The following CSF2RA variants were observed in gnomAD, a reference collection of about 807,000 sequenced individuals.
CSF2RA encodes the protein granulocyte-macrophage colony-stimulating factor receptor subunit alpha.
CSF2RA carries 42 observed loss-of-function variants against 51.6 expected under a neutral mutation model. That is an observed-to-expected ratio of 0.81 (90% confidence interval 0.64 to 1.05). The LOEUF is 1.05. Among genes scored for constraint, CSF2RA ranks in the 50% least tolerant of loss-of-function variants. The probability of loss-of-function intolerance (pLI) is 0.00; values close to 1 mark genes in which losing one functional copy is unlikely to be tolerated. For synonymous variants in CSF2RA, 222 were observed against 193.0 expected, an observed-to-expected ratio of 1.15 and a Z score of -1.24; for missense variants, 530 against 501.1, an observed-to-expected ratio of 1.06 and a Z score of -0.55.
At chrX:1,310,855 A>G (rs1413336446), downstream of CSF2RA, among the ~76,000 whole-genome samples, 2 of 151,948 alleles carry the variant, frequency 1.3e-5, no homozygotes, top group Non-Finnish European at 2.9e-5. Flanking sequence ...GAGGTGTTTG[A>G]ATGAAGAGGG....
intron 7 of CSF2RA, among the ~76,000 whole-genome samples, chrX:1,293,549 A>G (rs2091605429): frequency 7.0e-6 from 1 of 143,162 alleles, no homozygotes; most frequent in Non-Finnish European, 1.6e-5. Flanking sequence ...CCCTACACAG[A>G]GTAGACAAAG....
chrX:1,275,993 A>C (rs1860110609), intron 2 of CSF2RA, among the ~76,000 whole-genome samples: 1 of 150,950 alleles, frequency 6.6e-6, no homozygotes, highest in Non-Finnish European at 1.5e-5. Flanking sequence ...GCGTCCAGCT[A>C]TTTTATTTTA....
chrX:1,275,719 C>T (rs774395768), intron 2 of CSF2RA, among the ~76,000 whole-genome samples: 19 of 151,194 alleles, frequency 1.3e-4, no homozygotes, highest in African/African-American at 4.6e-4. Flanking sequence ...CCACCATGCC[C>T]AGCTAATTTT....
At chrX:1,316,144 ATAGAT>A in the CSF2RA span, among the ~76,000 whole-genome samples, 1 of 152,054 alleles carries the variant, frequency 6.6e-6, no homozygotes, top group Non-Finnish European at 1.5e-5. Context: ...TAGATAGATG[ATAGAT>A]TAGATAGATG....
intron 8 of CSF2RA, among the ~76,000 whole-genome samples, chrX:1,294,784 C>T (rs28602228): frequency 7.8e-6 from 1 of 128,088 alleles, no homozygotes; most frequent in East Asian, 2.4e-4. Context: ...GCAGTGTAGA[C>T]AGAAGGAGAC....
the CSF2RA span, among the ~76,000 whole-genome samples, chrX:1,316,570 G>T: frequency 6.6e-6 from 1 of 152,200 alleles, no homozygotes; most frequent in South Asian, 2.1e-4. Flanking sequence ...TCTAACAAGC[G>T]ACAGGAGAAA....
At chrX:1,286,191 C>T (rs1211634608) in intron 4 of CSF2RA, among the ~76,000 whole-genome samples, 21 of 151,850 alleles carry the variant, frequency 1.4e-4, no homozygotes, top group Non-Finnish European at 2.5e-4. Flanking sequence ...AAGAATTACT[C>T]GAACCCGGGA....
At chrX:1,314,682 T>A (rs867822577), downstream of CSF2RA, among the ~76,000 whole-genome samples, 4 of 592 alleles carry the variant, frequency 6.8e-3, 1 homozygote, top group Non-Finnish European at 0.013. Flanking sequence ...GCCCAACCCC[T>A]CTGTGCCTGC....
At chrX:1,288,682 C>T (rs2148381663) in intron 5 of CSF2RA, 40 bp downstream of exon 5, 1 of 1,613,888 alleles carries the variant, frequency 6.2e-7, no homozygotes, top group Non-Finnish European at 8.5e-7. Context: ...CAGCACTGGC[C>T]CCACCACCCC....
intron 1 of CSF2RA, 102 bp downstream of exon 1, chrX:1,268,981 A>C (rs1378297511): frequency 2.4e-6 from 1 of 422,926 alleles, no homozygotes; most frequent in Non-Finnish European, 4.8e-6. Flanking sequence ...ACTGAACTGG[A>C]ACATAAGATT....
chrX:1,323,249 C>T, the CSF2RA span, among the ~76,000 whole-genome samples: 1 of 150,780 alleles, frequency 6.6e-6, no homozygotes, highest in Non-Finnish European at 1.5e-5. Flanking sequence ...AGCGGTGGCT[C>T]ACGCCTGTAA....
intron 3 of CSF2RA, among the ~76,000 whole-genome samples, chrX:1,283,095 C>T (rs191058590): frequency 6.7e-6 from 1 of 150,060 alleles, no homozygotes; most frequent in Non-Finnish European, 1.5e-5. Flanking sequence ...CAAAGTGTTC[C>T]TTCCTTCCTT....
chrX:1,278,994 G>A lies in CSF2RA; in HGVS notation c.-26-3684G>A, dbSNP rs371260832. 5.7e-4 allele frequency among the ~76,000 whole-genome samples: 81 copies of A among 141,100 alleles called. No individual in the cohort carries two copies. The East Asian group carries it at 6.6e-3, about 12-fold the overall frequency. The allele number at this position is 141,100 out of a possible 152,430, so 92.6% of individuals were successfully genotyped here. On this transcript the variant is annotated intron_variant, in intron 2 of 12. Coordinates refer to ENST00000381529, the MANE Select transcript of CSF2RA (RefSeq NM_172245.4). ...AGAGGTTGCAGTGAGCCGAGATGGCGCCACTGTACTCCAGCCTGGGCGACA... is the reference window on the plus strand; with the variant it reads ...AGAGGTTGCAGTGAGCCGAGATGGCACCACTGTACTCCAGCCTGGGCGACA...
intron 2 of CSF2RA, among the ~76,000 whole-genome samples, chrX:1,280,688 C>T (rs1355641079): frequency 6.7e-6 from 1 of 148,888 alleles, no homozygotes; most frequent in Non-Finnish European, 1.5e-5. Flanking sequence ...CCTTCTTCTT[C>T]TCTTCTTTCT....
At chrX:1,286,126 G>A (rs190387177) in intron 4 of CSF2RA, among the ~76,000 whole-genome samples, 1 of 151,004 alleles carries the variant, frequency 6.6e-6, no homozygotes, top group Non-Finnish European at 1.5e-5. Flanking sequence ...TACAAAATTA[G>A]CCGGGCGTGC....
rs188911889 is a variant in CSF2RA at position 1,285,927 on chromosome X, C to T, written c.219+7C>T. Reference sequence around the variant, plus strand: ...CAGAGTCGTGGAACCCAGGGTGAGACGAATTTCCCATTCTCAACCCCTGTC... The same window carrying T: ...CAGAGTCGTGGAACCCAGGGTGAGATGAATTTCCCATTCTCAACCCCTGTC... On this transcript the variant is annotated splice_region_variant and intron_variant, in intron 4 of 12. Transcript: ENST00000381529. 38 of 1,613,644 alleles carry T rather than the reference C, an allele frequency of 2.4e-5. No individual in the cohort carries two copies. Among genetic ancestry groups the T allele is most frequent in the Admixed American group, 5.0e-5 (3 of 59,934 alleles).
At chrX:1,300,457 AC>A in intron 9 of CSF2RA, 33 bp from the exon 10 acceptor site, 1 of 1,613,628 alleles carries the variant, frequency 6.2e-7, no homozygotes. Flanking sequence ...CACACAGAAG[AC>A]GCCTATCTCT....
At chrX:1,322,099 A>ATTATTTATTTATTTCT in the CSF2RA span, among the ~76,000 whole-genome samples, 1 of 146,638 alleles carries the variant, frequency 6.8e-6, no homozygotes, top group Non-Finnish European at 1.5e-5. Flanking sequence ...ATAACATCCT[A>ATTATTTATTTATTTCT]TTATTTATTT....
At chrX:1,313,491 A>G (rs2084272601), downstream of CSF2RA, among the ~76,000 whole-genome samples, 1 of 148,778 alleles carries the variant, frequency 6.7e-6, no homozygotes, top group African/African-American at 2.5e-5. Context: ...CAGGCAGATC[A>G]TTTGAGGTCA....
Sources: gnomAD v4.1 joint callset for allele counts (sites outside exome capture counted in the v4.1 genomes callset) on GRCh38, gnomAD v4.1.1 for gene constraint, MANE v1.5 for transcripts, NCBI Gene and HGNC (gene_info 2026-07-23, HGNC 2026-07-21) for gene names.